PHKA1: variants seen among roughly 807,000 people sequenced by gnomAD.
The protein encoded by PHKA1 is phosphorylase kinase regulatory subunit alpha 1, also known as phosphorylase b kinase regulatory subunit alpha, skeletal muscle isoform.
In PHKA1, 60 loss-of-function variants were observed where a neutral mutation model predicts 110.2. That is an observed-to-expected ratio of 0.54 (90% CI 0.44 to 0.68). The LOEUF is 0.68. Ranked by LOEUF, PHKA1 falls within the 30% of genes least tolerant of loss-of-function variation. The pLI, the probability that PHKA1 is intolerant of heterozygous loss-of-function variation, is 0.00. For missense variants in PHKA1, 801 were observed against 942.5 expected, an observed-to-expected ratio of 0.85 and a Z score of 1.97; for synonymous variants, 316 against 333.6, an observed-to-expected ratio of 0.95 and a Z score of 0.58.
chrX:72,699,987 G>T (rs1422647568), intron 3 of PHKA1, among the ~76,000 whole-genome samples: 1 of 112,077 alleles, frequency 8.9e-6, no homozygotes, highest in African/African-American at 3.2e-5. Flanking sequence ...TGCAAAACCA[G>T]TATATGGACC....
intron 16 of PHKA1, among the ~76,000 whole-genome samples, chrX:72,633,614 T>C (rs1328811237): frequency 8.9e-6 from 1 of 111,833 alleles, no homozygotes; most frequent in African/African-American, 3.3e-5. Context: ...TTCTTTTTCA[T>C]TCTACTTTTA....
chrX:72,636,815 T>C (rs2053236587), intron 14 of PHKA1, among the ~76,000 whole-genome samples: 1 of 112,284 alleles, frequency 8.9e-6, no homozygotes, highest in South Asian at 3.7e-4. Context: ...TTTTTTTGAC[T>C]AGAACACATT....
At chrX:72,646,353 T>C (rs1311531619) in intron 13 of PHKA1, among the ~76,000 whole-genome samples, 1 of 111,602 alleles carries the variant, frequency 9.0e-6, no homozygotes, top group Non-Finnish European at 1.9e-5. Context: ...ATTTTTTTGT[T>C]TTATAAAATA....
Position 72,579,022 on chromosome X carries a change from C to T in PHKA1, c.*1980G>A, listed in dbSNP as rs782641077. On this transcript the variant is annotated 3_prime_UTR_variant, in exon 32 of 32. Transcript: ENST00000373542. ...TATGGGGACCATAATGACACAATTT[C>T]GTAAACTCAGAGAAATGCAGCCCTT... 5.7e-4 allele frequency: 64 copies of T among 112,003 alleles called. No individual in the cohort carries two copies. Among genetic ancestry groups the T allele is most frequent in the African/African-American group, 2.0e-3 (61 of 30,856 alleles). The allele number at this position is 112,003 out of a possible 1,213,427, so 9.2% of individuals were successfully genotyped here.
intron 29 of PHKA1, among the ~76,000 whole-genome samples, chrX:72,591,946 C>T (rs2052527657): frequency 8.9e-6 from 1 of 112,072 alleles, no homozygotes; most frequent in African/African-American, 3.2e-5. Flanking sequence ...AGCTAAGCAT[C>T]CCATCCCTTC....
At chrX:72,585,778 C>A (rs991659400) in intron 29 of PHKA1, among the ~76,000 whole-genome samples, 34 of 112,587 alleles carry the variant, frequency 3.0e-4, no homozygotes, top group Admixed American at 2.4e-3. Context: ...TATCCCATGC[C>A]TGGCTCACCA....
At chrX:72,679,022 TC>T (rs1556313024) in intron 5 of PHKA1, among the ~76,000 whole-genome samples, 1 of 111,247 alleles carries the variant, frequency 9.0e-6, no homozygotes, top group Non-Finnish European at 1.9e-5. Flanking sequence ...CTGCAGAGGG[TC>T]CCCCTCAAAT....
At chrX:72,618,413 TA>T (rs1214310224) in intron 21 of PHKA1, among the ~76,000 whole-genome samples, 1 of 112,060 alleles carries the variant, frequency 8.9e-6, no homozygotes, top group Non-Finnish European at 1.9e-5. Flanking sequence ...AATGGAGGCT[TA>T]AAAATAACCT....
Position 72,667,428 on chromosome X carries a change from C to T in PHKA1, c.664G>A (p.Gly222Ser). Reference sequence around the variant, plus strand: ...ACATGGATAACTGATTGAGGCCCACCTTTCACACCAAACAGATCCAGTTCA... The same window carrying T: ...ACATGGATAACTGATTGAGGCCCACTTTTCACACCAAACAGATCCAGTTCA... ...LDELDLFGVK[G>S]GPQSVIHVLA... Residue 222 changes from glycine to serine, a missense_variant, in exon 7 of 32, where the codon GGT becomes AGT. By Grantham distance (56) the Gly-to-Ser change is moderately conservative (BLOSUM62 0). Around this residue, in one of 2 missense-constraint regions of PHKA1, gnomAD observed 299 missense variants for 423.3 expected, o/e 0.71. Coordinates refer to ENST00000373542, the MANE Select transcript of PHKA1 (RefSeq NM_002637.4). 1 of 1,210,901 alleles carries T rather than the reference C, an allele frequency of 8.3e-7. No individual in the cohort carries two copies. Among genetic ancestry groups the T allele is most frequent in the Non-Finnish European group, 1.1e-6 (1 of 894,718 alleles).
At chrX:72,708,414 C>T (rs782263173) in intron 2 of PHKA1, among the ~76,000 whole-genome samples, 4 of 110,890 alleles carry the variant, frequency 3.6e-5, no homozygotes, top group African/African-American at 6.6e-5. Context: ...AGGGCACCAG[C>T]GTGATATAAT....
intron 4 of PHKA1, among the ~76,000 whole-genome samples, chrX:72,685,614 C>T (rs1347430798): frequency 1.8e-5 from 2 of 111,811 alleles, no homozygotes; most frequent in Non-Finnish European, 3.8e-5. Context: ...TTTTTATACA[C>T]CTAAAATTTA....
At chrX:72,626,321 T>C (rs1556282850) in intron 17 of PHKA1, among the ~76,000 whole-genome samples, 2 of 110,066 alleles carry the variant, frequency 1.8e-5, no homozygotes, top group Non-Finnish European at 3.8e-5. Context: ...AGCTGGAAAT[T>C]TTTCAAAATA....
chrX:72,675,889 G>T (rs1556311587), intron 6 of PHKA1, among the ~76,000 whole-genome samples, 181 bp downstream of exon 6: 1 of 110,914 alleles, frequency 9.0e-6, no homozygotes, highest in African/African-American at 3.3e-5. Flanking sequence ...TATCAAATCT[G>T]CAGCTTATGA....
chrX:72,679,991 T>C (rs2053826637), intron 5 of PHKA1, among the ~76,000 whole-genome samples: 1 of 111,177 alleles, frequency 9.0e-6, no homozygotes, highest in Non-Finnish European at 1.9e-5. Flanking sequence ...ATCGAAGTGT[T>C]TAAAGTCAGT....
At chrX:72,628,483 T>C (rs185384543) in intron 16 of PHKA1, among the ~76,000 whole-genome samples, 1 of 108,215 alleles carries the variant, frequency 9.2e-6, no homozygotes, top group East Asian at 2.8e-4. Context: ...TTTCAAAATC[T>C]GACAATATTT....
At chrX:72,617,842 T>TA (rs201696827) in intron 21 of PHKA1, among the ~76,000 whole-genome samples, 322 of 88,169 alleles carry the variant, frequency 3.7e-3, no homozygotes, top group Middle Eastern at 0.011. Flanking sequence ...ATAAAAAAAA[T>TA]AAAAAAAAAA....
chrX:72,631,514 T>C (rs1264014395), intron 16 of PHKA1, among the ~76,000 whole-genome samples: 2 of 111,666 alleles, frequency 1.8e-5, no homozygotes, highest in East Asian at 2.8e-4. Context: ...AAATAGGGTC[T>C]AAAAGTTTTC....
In PHKA1 at chrX:72,605,273, G is replaced by A; in HGVS notation, c.2813C>T (p.Ser938Leu). The A allele has an allele frequency of 8.3e-7, 1 of 1,199,586 alleles. No homozygotes were observed. The highest frequency in any genetic ancestry group is 1.1e-6 in the Non-Finnish European group (1 of 884,575). ...ATELAHSLRC[S>L]AEEATEGLMN... ...AAAATAGTTACTGAATTAAGTACCT[G>A]AGCATCGAAGGGAGTGGGCCAGTTC... is the stretch of plus-strand genomic sequence containing the variant. Residue 938 changes from serine to leucine, a missense_variant and splice_region_variant, in exon 25 of 32, where the codon TCA becomes TTA. This residue lies in a region of PHKA1 where 502 missense variants were observed against 519.2 expected (regional missense o/e 0.97). Transcript: ENST00000373542.
chrX:72,685,202 A>G (rs561561427), intron 4 of PHKA1, among the ~76,000 whole-genome samples: 4 of 111,451 alleles, frequency 3.6e-5, no homozygotes, highest in African/African-American at 1.3e-4. Flanking sequence ...CCGGGACTCA[A>G]TTGACTGTTG....
Sources: gnomAD v4.1 joint callset for allele counts (sites outside exome capture counted in the v4.1 genomes callset) on GRCh38, gnomAD v4.1.1 for gene constraint, gnomAD v4.1.1 regional missense constraint, MANE v1.5 for transcripts, NCBI Gene and HGNC (gene_info 2026-07-23, HGNC 2026-07-21) for gene names.